MBNL2: variants seen among roughly 807,000 people sequenced by gnomAD.
MBNL2 encodes muscleblind like splicing regulator 2.
Under a neutral mutation model 41.9 loss-of-function variants are expected in MBNL2, and 17 were observed. That is an observed-to-expected ratio of 0.41 (90% CI 0.28 to 0.61). The LOEUF (loss-of-function observed/expected upper bound fraction) is 0.61, where lower values mean the gene tolerates loss of function less well. MBNL2 is among the 20% of genes least tolerant of loss of function. The pLI is 0.35. For synonymous variants in MBNL2, 195 were observed against 182.9 expected (o/e 1.07, Z -0.53); for missense variants, 336 against 505.6 (o/e 0.66, Z 3.22).
At chr13:97,279,257 G>A (rs1296124314) in intron 2 of MBNL2, among the ~76,000 whole-genome samples, 2 of 152,216 alleles carry the variant, frequency 1.3e-5, no homozygotes, top group African/African-American at 4.8e-5. Context: ...GCTTGACTAA[G>A]CCTGGCTGGG....
At chr13:97,202,291 A>T in the MBNL2 span, among the ~76,000 whole-genome samples, 1 of 152,194 alleles carries the variant, frequency 6.6e-6, no homozygotes, top group Non-Finnish European at 1.5e-5. Flanking sequence ...TTAATGTTCT[A>T]GTTTTTCCAT....
the MBNL2 span, among the ~76,000 whole-genome samples, chr13:97,205,662 A>T: frequency 6.6e-6 from 1 of 152,208 alleles, no homozygotes; most frequent in Non-Finnish European, 1.5e-5. Flanking sequence ...ATCTGTCAGA[A>T]GGTGACAGCT....
chr13:97,291,977 C>A (rs1021264664), intron 2 of MBNL2, among the ~76,000 whole-genome samples: 56 of 147,962 alleles, frequency 3.8e-4, no homozygotes, highest in African/African-American at 1.3e-3. Context: ...CCGAGGTGGG[C>A]GGATAAGGAG....
the MBNL2 span, among the ~76,000 whole-genome samples, chr13:97,147,120 A>G: frequency 6.6e-6 from 1 of 152,308 alleles, no homozygotes; most frequent in Non-Finnish European, 1.5e-5. Flanking sequence ...AGGTTAATGA[A>G]CTACTATGGT....
intron 2 of MBNL2, among the ~76,000 whole-genome samples, chr13:97,309,020 A>G (rs902432290): frequency 3.3e-5 from 5 of 152,200 alleles, no homozygotes; most frequent in African/African-American, 1.2e-4. Flanking sequence ...GTCTGTGCAG[A>G]AAGAGCCCAT....
intron 2 of MBNL2, among the ~76,000 whole-genome samples, chr13:97,307,512 T>C (rs545733914): frequency 6.6e-6 from 1 of 152,338 alleles, no homozygotes; most frequent in South Asian, 2.1e-4. Flanking sequence ...TACCGTTATA[T>C]TGGATTTCAG....
At position 97,347,076 on chromosome 13, in the gene MBNL2, G is replaced by C. The variant is rs555998225; in HGVS notation, c.804+9G>C. The C allele has an allele frequency of 1.3e-6, 2 of 1,538,900 alleles. No homozygotes were observed. Among genetic ancestry groups the C allele is most frequent in the South Asian group, 1.2e-5 (1 of 82,780 alleles). ...CCGCGGCCACAGTCATGGTAAGTGC[G>C]GCCGCCCGCCGCCCCTGCACCCCGG... On this transcript the variant is annotated intron_variant, in intron 5 of 8. Transcript: ENST00000679496.
At chr13:97,356,942 CATT>C (rs1467100721) in intron 6 of MBNL2, 93 bp downstream of exon 6, 4 of 684,802 alleles carry the variant, frequency 5.8e-6, no homozygotes, top group African/African-American at 3.8e-5. Context: ...TGCAAACAAT[CATT>C]ATTATTAATT....
chr13:97,344,314 C>T (rs2061666806), intron 4 of MBNL2, among the ~76,000 whole-genome samples: 1 of 152,192 alleles, frequency 6.6e-6, no homozygotes, highest in Admixed American at 6.5e-5. Flanking sequence ...ATATTCACTA[C>T]AGCATTTCAT....
the MBNL2 span, among the ~76,000 whole-genome samples, chr13:97,184,438 G>T: frequency 1.3e-5 from 2 of 151,924 alleles, no homozygotes; most frequent in Non-Finnish European, 2.9e-5. Flanking sequence ...TCCAGCTGTC[G>T]TCCTCATGGT....
chr13:97,290,953 C>T (rs1054310924), intron 2 of MBNL2, among the ~76,000 whole-genome samples: 6 of 152,066 alleles, frequency 3.9e-5, no homozygotes, highest in Admixed American at 2.6e-4. Flanking sequence ...TGCGTTTTGC[C>T]AATTCCTGGA....
intron 2 of MBNL2, among the ~76,000 whole-genome samples, chr13:97,299,200 C>T (rs1411157294): frequency 1.3e-5 from 2 of 151,962 alleles, no homozygotes; most frequent in African/African-American, 4.8e-5. Flanking sequence ...TTTTTTTTAA[C>T]ATTCTTTCTG....
intron 6 of MBNL2, 138 bp from the exon 7 acceptor site, chr13:97,357,344 G>C (rs1369969498): frequency 4.4e-5 from 31 of 702,588 alleles, no homozygotes; most frequent in African/African-American, 8.9e-5. Flanking sequence ...CATTGCCGCT[G>C]TTTAAATTAA....
At chr13:97,241,284 T>C (rs529960749) in intron 1 of MBNL2, among the ~76,000 whole-genome samples, 2 of 152,234 alleles carry the variant, frequency 1.3e-5, no homozygotes, top group South Asian at 4.2e-4. Context: ...AGGTGTTTGC[T>C]GGAGCTCTGG....
intron 8 of MBNL2, among the ~76,000 whole-genome samples, chr13:97,368,425 A>AAATAAAATAAAATAAAATAAAATAC (rs1352811205): frequency 6.6e-6 from 1 of 151,992 alleles, no homozygotes; most frequent in Non-Finnish European, 1.5e-5. Flanking sequence ...AAATAAAATA[A>AAATAAAATAAAATAAAATAAAATAC]AATAAAATAA....
At chr13:97,160,137 A>C in the MBNL2 span, among the ~76,000 whole-genome samples, 1 of 152,194 alleles carries the variant, frequency 6.6e-6, no homozygotes, top group African/African-American at 2.4e-5. Flanking sequence ...ATGTTTAAAA[A>C]ACACTATTGC....
At chr13:97,321,278 C>T (rs1242674799) in intron 2 of MBNL2, among the ~76,000 whole-genome samples, 3 of 152,166 alleles carry the variant, frequency 2.0e-5, no homozygotes, top group South Asian at 2.1e-4. Flanking sequence ...ACAGCTAGTC[C>T]CGGAAACCCC....
Position 97,346,055 on chromosome 13 carries a change from T to G in MBNL2, c.541-749T>G, listed in dbSNP as rs905745837. 6.6e-6 allele frequency among the ~76,000 whole-genome samples: 1 copy of G among 152,126 alleles called. No homozygotes were observed. The highest frequency in any genetic ancestry group is 2.4e-5 in the African/African-American group (1 of 41,404). On this transcript the variant is annotated intron_variant, in intron 4 of 8. Transcript: ENST00000679496. The surrounding 1 kb of genome is among the most constrained non-coding windows in gnomAD (Gnocchi z 4.2). Reference sequence around the variant, plus strand: ...AGATGATTAATTAATTGATAGATTTTAGATAGATCAGTAGATGATAGATGA... The same window carrying G: ...AGATGATTAATTAATTGATAGATTTGAGATAGATCAGTAGATGATAGATGA...
At chr13:97,218,441 A>AAAACAAAAC (rs759042796), upstream of MBNL2, among the ~76,000 whole-genome samples, 1,678 of 24,162 alleles carry the variant, frequency 0.069, 24 homozygotes, top group African/African-American at 0.11. Context: ...AAAACAAAAC[A>AAAACAAAAC]AAAAAAAAAA....
Sources: allele counts gnomAD v4.1 joint callset (sites outside exome capture counted in the v4.1 genomes callset), GRCh38; gene constraint gnomAD v4.1.1; non-coding constraint Gnocchi (gnomAD v3.1); transcripts MANE v1.5; gene names NCBI Gene and HGNC (gene_info 2026-07-23, HGNC 2026-07-21).